PTBP3: variants seen among roughly 807,000 people sequenced by gnomAD.
PTBP3 encodes polypyrimidine tract binding protein 3.
A neutral mutation model predicts 58.7 loss-of-function variants in PTBP3; 20 were observed. That is an observed-to-expected ratio of 0.34 (90% confidence interval 0.24 to 0.50). The LOEUF is 0.50. Ranked by LOEUF, PTBP3 falls within the 20% of genes least tolerant of loss-of-function variation. PTBP3 has a pLI of 0.98. For missense variants in PTBP3, 509 were observed against 637.2 expected (o/e 0.80, Z 2.17); for synonymous variants, 185 against 219.8 (o/e 0.84, Z 1.40).
rs548835430 is a variant in PTBP3, at chr9:112,260,627, AG to A, written c.516+1807del. On this transcript the variant is annotated intron_variant, in intron 5 of 13. Transcript: ENST00000374257. ...AAATGGACTAAGGACAGAACTAAGC[AG>A]GGGAATAGGGAAGGGAGGTAGGGAG... Among the ~76,000 whole-genome samples the A allele has an allele frequency of 4.6e-5, 7 of 152,338 alleles. No homozygotes were observed. In the East Asian group the frequency reaches 9.6e-4, roughly 21 times the overall value.
the PTBP3 span, among the ~76,000 whole-genome samples, chr9:112,348,704 C>T: frequency 1.3e-5 from 2 of 152,336 alleles, no homozygotes; most frequent in African/African-American, 4.8e-5. Context: ...TACTTTACTT[C>T]GTTTCATTCC....
At chr9:112,251,423 T>C (rs925913009) in intron 6 of PTBP3, among the ~76,000 whole-genome samples, 7 of 152,194 alleles carry the variant, frequency 4.6e-5, no homozygotes, top group African/African-American at 1.7e-4. Flanking sequence ...ATTATTATGA[T>C]TATTTTGCCT....
intron 12 of PTBP3, among the ~76,000 whole-genome samples, chr9:112,226,316 T>C (rs1834989248): frequency 6.6e-6 from 1 of 152,150 alleles, no homozygotes; most frequent in Non-Finnish European, 1.5e-5. Flanking sequence ...ATATTCAGCA[T>C]TCTTCTGAGT....
In PTBP3 at chr9:112,223,986, G is replaced by A. The variant is rs1244906967; in HGVS notation, c.1443-3C>T. 6.2e-7 allele frequency: 1 copy of A among 1,610,232 alleles called. No individual in the cohort carries two copies. The highest frequency in any genetic ancestry group is 1.3e-5 in the African/African-American group (1 of 74,760). Reference sequence around the variant, plus strand: ...TGAGCGCCATTTTGCGATCTTTCCTGAAAATGGTATAAGAAATACAGAAAG... The same window carrying A: ...TGAGCGCCATTTTGCGATCTTTCCTAAAAATGGTATAAGAAATACAGAAAG... On this transcript the variant is annotated splice_region_variant and splice_polypyrimidine_tract_variant and intron_variant, in intron 13 of 13. Transcript: ENST00000374257.
the PTBP3 span, among the ~76,000 whole-genome samples, chr9:112,350,523 T>C: frequency 3.9e-5 from 6 of 152,188 alleles, no homozygotes; most frequent in South Asian, 1.0e-3. Flanking sequence ...AATACTGATA[T>C]GTCGTTGAGA....
At chr9:112,304,290 C>T (rs1829073642) in intron 1 of PTBP3, among the ~76,000 whole-genome samples, 1 of 152,078 alleles carries the variant, frequency 6.6e-6, no homozygotes, top group South Asian at 2.1e-4. Context: ...CATGTATCTG[C>T]CTATGCATTT....
intron 1 of PTBP3, chr9:112,333,164 G>C (rs1276655486): frequency 8.4e-7 from 1 of 1,184,226 alleles, no homozygotes; most frequent in East Asian, 3.3e-5. Context: ...GGCGCGGAGG[G>C]CGGACCTCGG....
At chr9:112,271,667 A>G (rs1427440494) in intron 3 of PTBP3, among the ~76,000 whole-genome samples, 1 of 152,208 alleles carries the variant, frequency 6.6e-6, no homozygotes, top group African/African-American at 2.4e-5. Context: ...CAGAAGTTGC[A>G]GTGAGGTCAA....
intron 1 of PTBP3, chr9:112,332,670 G>C (rs975150060): frequency 1.6e-6 from 2 of 1,275,010 alleles, no homozygotes; most frequent in East Asian, 2.7e-5. Context: ...AGTCCCCAGA[G>C]AACAGTTTAT....
intron 2 of PTBP3, among the ~76,000 whole-genome samples, chr9:112,282,572 T>C (rs778958471): frequency 2.4e-4 from 36 of 152,192 alleles, no homozygotes; most frequent in Non-Finnish European, 4.1e-4. Flanking sequence ...GGTTTCATTT[T>C]ATTTCTGTTC....
At chr9:112,229,320 T>C (rs897952317) in intron 10 of PTBP3, among the ~76,000 whole-genome samples, 3 of 152,124 alleles carry the variant, frequency 2.0e-5, no homozygotes, top group African/African-American at 4.8e-5. Context: ...TCCCAGCACT[T>C]TGGGAGGCCG....
the PTBP3 span, among the ~76,000 whole-genome samples, chr9:112,350,216 C>T: frequency 1.3e-5 from 2 of 151,704 alleles, no homozygotes; most frequent in South Asian, 4.2e-4. Flanking sequence ...TTTGGGGACT[C>T]AGAGGGTAAA....
chr9:112,252,498 G>A (rs1163054363), intron 6 of PTBP3, 180 bp downstream of exon 6: 11 of 571,938 alleles, frequency 1.9e-5, no homozygotes, highest in Non-Finnish European at 3.3e-5. Context: ...TTCATATGAA[G>A]TAGTAATGAT....
At chr9:112,273,749 AT>A (rs1009705377) in intron 3 of PTBP3, among the ~76,000 whole-genome samples, 11 of 152,150 alleles carry the variant, frequency 7.2e-5, no homozygotes, top group South Asian at 4.1e-4. Flanking sequence ...AAGAATCCCC[AT>A]TTGGCCCCTG....
intron 2 of PTBP3, among the ~76,000 whole-genome samples, chr9:112,290,635 G>A (rs1014133264): frequency 1.2e-4 from 18 of 145,106 alleles, no homozygotes; most frequent in Non-Finnish European, 2.4e-4. Flanking sequence ...CCACGCCACT[G>A]CATTCCAGCC....
At chr9:112,226,398 C>A (rs1036020420) in intron 12 of PTBP3, among the ~76,000 whole-genome samples, 3 of 152,102 alleles carry the variant, frequency 2.0e-5, no homozygotes, top group Admixed American at 6.6e-5. Flanking sequence ...CCTCTCTATA[C>A]CCTCAAGTTT....
intron 3 of PTBP3, among the ~76,000 whole-genome samples, chr9:112,269,747 C>A (rs1827287982): frequency 1.3e-5 from 2 of 152,130 alleles, no homozygotes; most frequent in South Asian, 4.1e-4. Flanking sequence ...CTATTAAACT[C>A]AGCCTCTGAA....
At chr9:112,237,067 G>C (rs914579895) in intron 7 of PTBP3, among the ~76,000 whole-genome samples, 3 of 152,130 alleles carry the variant, frequency 2.0e-5, no homozygotes, top group Admixed American at 6.6e-5. Context: ...AGATTTGAGA[G>C]AAATGAGGAA....
At chr9:112,290,688 ATATAT>A (rs1405369399) in intron 2 of PTBP3, among the ~76,000 whole-genome samples, 2 of 98,856 alleles carry the variant, frequency 2.0e-5, no homozygotes, top group African/African-American at 3.8e-5. Context: ...AAAAAAAAAA[ATATAT>A]ATATATATAT....
Sources: gnomAD v4.1 joint callset for allele counts (sites outside exome capture counted in the v4.1 genomes callset) on GRCh38, gnomAD v4.1.1 for gene constraint, MANE v1.5 for transcripts, NCBI Gene and HGNC (gene_info 2026-07-23, HGNC 2026-07-21) for gene names.